LRRC4C: variants seen among roughly 807,000 people sequenced by gnomAD.
LRRC4C encodes leucine-rich repeat-containing protein 4C.
Under a neutral mutation model 33.6 loss-of-function variants are expected in LRRC4C, and 5 were observed. The observed-to-expected ratio is 0.15, with a 90% CI of 0.08 to 0.31. The LOEUF (loss-of-function observed/expected upper bound fraction) is 0.31. LRRC4C is among the 10% of genes least tolerant of loss of function. LRRC4C has a pLI of 1.00. For synonymous variants in LRRC4C, 329 were observed against 302.0 expected (o/e 1.09, Z -0.93); for missense variants, 560 against 796.7 (o/e 0.70, Z 3.58).
chr11:40,621,096 C>T (rs1409613814), intron 3 of LRRC4C, among the ~76,000 whole-genome samples: 1 of 151,530 alleles, frequency 6.6e-6, no homozygotes. Context: ...TTCAGCTATC[C>T]TTTTCATCTC....
chr11:40,400,682 C>T (rs1467580557), intron 3 of LRRC4C, among the ~76,000 whole-genome samples: 1 of 152,106 alleles, frequency 6.6e-6, no homozygotes, highest in Non-Finnish European at 1.5e-5. Context: ...TGTTAAATTA[C>T]TCCATGTTTT....
intron 3 of LRRC4C, among the ~76,000 whole-genome samples, chr11:40,337,608 A>T (rs1181673925): frequency 6.6e-6 from 1 of 152,226 alleles, no homozygotes; most frequent in Non-Finnish European, 1.5e-5. Flanking sequence ...TAACAGTTTT[A>T]AATAAGTTAT....
chr11:41,226,068 A>G (rs1947520877), intron 1 of LRRC4C, among the ~76,000 whole-genome samples: 1 of 152,200 alleles, frequency 6.6e-6, no homozygotes, highest in African/African-American at 2.4e-5. Context: ...CATGACATTC[A>G]ACTGTGACTA....
In LRRC4C at chr11:40,372,261, C is replaced by T. The variant is rs148756075; in HGVS notation, c.-269-52540G>A. Among the ~76,000 whole-genome samples the T allele has an allele frequency of 2.9e-3, 447 of 152,238 alleles. 6 individuals are homozygous for T. The highest frequency in any genetic ancestry group is 0.029 in the East Asian group (149 of 5,168). ...AATGGTGAAGGAAGAACTCTCTGGA[C>T]GGCAGCATCAAGGGTCCCAACCAGA... is the stretch of plus-strand genomic sequence containing the variant. On this transcript the variant is annotated intron_variant, in intron 3 of 6. Transcript: ENST00000528697.
At chr11:40,819,251 A>G (rs1951825202) in intron 2 of LRRC4C, among the ~76,000 whole-genome samples, 1 of 152,142 alleles carries the variant, frequency 6.6e-6, no homozygotes, top group African/African-American at 2.4e-5. Flanking sequence ...AACCCACTCT[A>G]CAACTACACA....
chr11:40,115,250 T>G lies in LRRC4C; in HGVS notation c.1043A>C (p.Tyr348Ser). Residue 348 changes from tyrosine to serine, a missense_variant, in exon 7 of 7, where the codon TAC (tyrosine) becomes TCC (serine). Physicochemically the swap from Tyr to Ser is moderately radical, Grantham distance 144. Coordinates refer to ENST00000528697, the MANE Select transcript of LRRC4C (RefSeq NM_001258419.2). This position sits in a 1 kb window ranked among gnomAD's most constrained non-coding sequence, Gnocchi z 6.7. ...AATCACCGGAGCATAGCATGTGAAGTAATTCTGGTCGAGCTCTCCAATGTA... is the reference window on the plus strand; with the variant it reads ...AATCACCGGAGCATAGCATGTGAAGGAATTCTGGTCGAGCTCTCCAATGTA... Reference protein sequence around the residue: ...GRYIGELDQNYFTCYAPVIVE... With the variant: ...GRYIGELDQNSFTCYAPVIVE... The G allele has an allele frequency of 6.2e-7, 1 of 1,614,116 alleles. No homozygotes were observed. The highest frequency in any genetic ancestry group is 8.5e-7 in the Non-Finnish European group (1 of 1,180,026).
intron 3 of LRRC4C, among the ~76,000 whole-genome samples, chr11:40,552,049 GC>G (rs1252892903): frequency 1.3e-5 from 2 of 152,328 alleles, no homozygotes; most frequent in East Asian, 3.9e-4. Context: ...TCAGCAGACT[GC>G]CTTTTGACTT....
At chr11:41,166,029 CAA>C (rs35393339) in intron 1 of LRRC4C, among the ~76,000 whole-genome samples, 69 of 122,084 alleles carry the variant, frequency 5.7e-4, no homozygotes, top group South Asian at 1.6e-3. Context: ...GAAATTCTGT[CAA>C]AAAAAAAAAA....
intron 1 of LRRC4C, among the ~76,000 whole-genome samples, chr11:41,443,333 C>A (rs1955714834): frequency 6.6e-6 from 1 of 151,878 alleles, no homozygotes; most frequent in Non-Finnish European, 1.5e-5. Flanking sequence ...CGCAGCGCAA[C>A]CCCATTTCTA....
intron 1 of LRRC4C, among the ~76,000 whole-genome samples, chr11:40,957,488 G>T (rs1341215343): frequency 6.6e-6 from 1 of 151,480 alleles, no homozygotes; most frequent in Non-Finnish European, 1.5e-5. Context: ...CTTTTTCAAG[G>T]TTCATAATAG....
At chr11:40,494,531 C>A (rs1954328088) in intron 3 of LRRC4C, among the ~76,000 whole-genome samples, 1 of 151,992 alleles carries the variant, frequency 6.6e-6, no homozygotes, top group South Asian at 2.1e-4. Flanking sequence ...CTCATTTATG[C>A]AATGGTATTA....
intron 2 of LRRC4C, among the ~76,000 whole-genome samples, chr11:40,722,970 A>C (rs1436337532): frequency 1.3e-5 from 2 of 152,200 alleles, no homozygotes. Context: ...TGGAAGCCTT[A>C]ACAACAGATG....
intron 1 of LRRC4C, among the ~76,000 whole-genome samples, chr11:41,164,573 A>C (rs1167391358): frequency 6.6e-6 from 1 of 152,224 alleles, no homozygotes; most frequent in African/African-American, 2.4e-5. Context: ...CTTCTATATG[A>C]CTGGCAGTGC....
intron 3 of LRRC4C, among the ~76,000 whole-genome samples, chr11:40,460,999 C>A (rs539063728): frequency 6.6e-6 from 1 of 152,128 alleles, no homozygotes; most frequent in African/African-American, 2.4e-5. Flanking sequence ...GCCAAATATA[C>A]CTATGGTAGG....
At chr11:40,188,309 T>G (rs1190337537) in intron 5 of LRRC4C, among the ~76,000 whole-genome samples, 1 of 152,222 alleles carries the variant, frequency 6.6e-6, no homozygotes, top group Non-Finnish European at 1.5e-5. Context: ...TCTATTCATC[T>G]CTCACATTTC....
intron 3 of LRRC4C, among the ~76,000 whole-genome samples, chr11:40,483,483 C>G (rs1953696790): frequency 6.6e-6 from 1 of 151,774 alleles, no homozygotes; most frequent in Non-Finnish European, 1.5e-5. Context: ...ATGGGAACAA[C>G]CAATATGATT....
At chr11:40,679,994 G>A (rs559546783) in intron 2 of LRRC4C, among the ~76,000 whole-genome samples, 1 of 152,262 alleles carries the variant, frequency 6.6e-6, no homozygotes, top group South Asian at 2.1e-4. Flanking sequence ...AGCTATTAGG[G>A]GGGATATACC....
At position 40,116,138 on chromosome 11, in the gene LRRC4C, G is replaced by T; in HGVS notation, c.155C>A (p.Ser52Tyr). 6.2e-7 allele frequency: 1 copy of T among 1,613,976 alleles called. No individual in the cohort carries two copies. The highest frequency in any genetic ancestry group is 8.5e-7 in the Non-Finnish European group (1 of 1,179,998). ...VRAQTCPSVC[S>Y]CSNQFSKVIC... ...CACCTTGCTGAACTGGTTGCTGCAG[G>T]AGCACACAGAAGGGCAGGTCTGAGC... Residue 52 changes from serine to tyrosine, a missense_variant, in exon 7 of 7, where the codon TCC becomes TAC. Transcript: ENST00000528697.
At chr11:40,543,541 A>T (rs1956804499) in intron 3 of LRRC4C, among the ~76,000 whole-genome samples, 1 of 152,072 alleles carries the variant, frequency 6.6e-6, no homozygotes, top group East Asian at 1.9e-4. Flanking sequence ...TCTAATATTC[A>T]CCGAGCCTGA....
Sources: allele counts gnomAD v4.1 joint callset (sites outside exome capture counted in the v4.1 genomes callset), GRCh38; gene constraint gnomAD v4.1.1; non-coding constraint Gnocchi (gnomAD v3.1); transcripts MANE v1.5; gene names NCBI Gene and HGNC (gene_info 2026-07-23, HGNC 2026-07-21).